Variants in DLG2 observed in about 807,000 individuals in gnomAD.
DLG2 encodes disks large homolog 2.
Under a neutral mutation model 132.5 loss-of-function variants are expected in DLG2, and 45 were observed. That is an observed-to-expected ratio of 0.34 (90% CI 0.27 to 0.44). The LOEUF (loss-of-function observed/expected upper bound fraction) is 0.44, where lower values mean the gene tolerates loss of function less well. Ranked by LOEUF, DLG2 falls within the 20% of genes least tolerant of loss-of-function variation. The pLI is 1.00. For synonymous variants in DLG2, 424 were observed against 419.6 expected (o/e 1.01, Z -0.13); for missense variants, 1,045 against 1,196.9 (o/e 0.87, Z 1.87).
chr11:83,720,607 A>G lies in DLG2; in HGVS notation c.1825+66083T>C, dbSNP rs987722120. ...CCTGAACCCATATCTGACAAAGCCA[A>G]TGCTGGTAACCACCACACTGTAAAT... On this transcript the variant is annotated intron_variant, in intron 18 of 27. Coordinates refer to ENST00000376104, the MANE Select transcript of DLG2 (RefSeq NM_001142699.3). 3.9e-5 allele frequency among the ~76,000 whole-genome samples: 6 copies of G among 152,274 alleles called. No homozygotes were observed. In the East Asian group the frequency reaches 5.8e-4, roughly 15 times the overall value.
intron 7 of DLG2, among the ~76,000 whole-genome samples, chr11:84,305,304 G>T (rs1410474272): frequency 6.6e-6 from 1 of 151,800 alleles, no homozygotes; most frequent in Non-Finnish European, 1.5e-5. Flanking sequence ...GGATTTAAAT[G>T]GAATAAAAAG....
intron 3 of DLG2, among the ~76,000 whole-genome samples, chr11:85,537,098 G>A (rs1342671127): frequency 1.3e-5 from 2 of 152,174 alleles, no homozygotes; most frequent in Non-Finnish European, 1.5e-5. Context: ...GAACGTTTGC[G>A]TCTAGCTAAG....
At chr11:84,105,818 A>G (rs1057051401) in intron 9 of DLG2, among the ~76,000 whole-genome samples, 1 of 152,102 alleles carries the variant, frequency 6.6e-6, no homozygotes, top group Non-Finnish European at 1.5e-5. Context: ...GCTTCCCTTA[A>G]CCCAGGAACA....
intron 7 of DLG2, among the ~76,000 whole-genome samples, chr11:84,349,212 T>C (rs2098551943): frequency 6.6e-6 from 1 of 152,298 alleles, no homozygotes; most frequent in Middle Eastern, 3.4e-3. Flanking sequence ...ATGATTTTCA[T>C]CTTATTAGTA....
intron 19 of DLG2, among the ~76,000 whole-genome samples, chr11:83,542,629 C>T (rs2096112275): frequency 6.6e-6 from 1 of 152,126 alleles, no homozygotes; most frequent in Non-Finnish European, 1.5e-5. Context: ...ATTTGCTAAG[C>T]ATTTGTTAAG....
In DLG2 at chr11:83,541,857, C is replaced by A; in HGVS notation, c.1942G>T (p.Ala648Ser). Residue 648 changes from alanine (A) to serine (S), a missense_variant and splice_region_variant, in exon 20 of 28, where the codon GCC (alanine) becomes TCC (serine). By Grantham distance (99) the Ala-to-Ser change is moderately conservative. Transcript: ENST00000376104. ...TNQKRSLYVR[A>S]MFDYDKSKDS... ...TTGCTCTTGTCGTAGTCGAACATGG[C>A]TCTGGAGGAAAGGACAAAAGAGGAC... The A allele has an allele frequency of 1.2e-6, 2 of 1,600,658 alleles. No homozygotes were observed. Among genetic ancestry groups the A allele is most frequent in the East Asian group, 2.3e-5 (1 of 44,200 alleles).
In DLG2 at chr11:83,838,287, A is replaced by G. The variant is rs957034677; in HGVS notation, c.1566-4517T>C. On this transcript the variant is annotated intron_variant, in intron 16 of 27. Coordinates refer to ENST00000376104, the MANE Select transcript of DLG2 (RefSeq NM_001142699.3). ...TAATAGTGGAATCTAGGTGACAAGT[A>G]CACGGATGTTCATTGTAACATTTTT... Among the ~76,000 whole-genome samples the G allele has an allele frequency of 1.4e-3, 211 of 152,212 alleles. 1 individual carries two copies. Among genetic ancestry groups the G allele is most frequent in the Non-Finnish European group, 4.3e-4 (29 of 68,046 alleles).
chr11:85,048,416 T>C (rs955603181), intron 6 of DLG2, among the ~76,000 whole-genome samples: 1 of 151,960 alleles, frequency 6.6e-6, no homozygotes, highest in Non-Finnish European at 1.5e-5. Flanking sequence ...CGTGGTACTC[T>C]ACAGCCATGA....
chr11:84,480,734 G>T (rs573464732), intron 7 of DLG2, among the ~76,000 whole-genome samples: 2 of 145,376 alleles, frequency 1.4e-5, no homozygotes, highest in South Asian at 4.5e-4. Context: ...TGCTTGTTTG[G>T]TTTTTGTTTC....
intron 3 of DLG2, among the ~76,000 whole-genome samples, chr11:85,440,444 T>C (rs1476424865): frequency 3.3e-5 from 5 of 152,214 alleles, no homozygotes; most frequent in Admixed American, 6.5e-5. Context: ...ATTTTTCTCA[T>C]TTCTCCCAGG....
At position 84,701,597 on chromosome 11, in the gene DLG2, G is replaced by T. The variant is rs148867826; in HGVS notation, c.358-166866C>A. ...AAATGTTACAATTGAAAGGGAATTT[G>T]GAAGTGTTTGAGCTCCCCCAACCCA... On this transcript the variant is annotated intron_variant, in intron 6 of 27. Transcript: ENST00000376104. Among the ~76,000 whole-genome samples, 340 of 151,616 alleles carry T rather than the reference G, an allele frequency of 2.2e-3. 3 individuals are homozygous for T. The highest frequency in any genetic ancestry group is 8.0e-3 in the African/African-American group (330 of 41,434).
At chr11:84,397,309 TACTG>T (rs1442933249) in intron 7 of DLG2, among the ~76,000 whole-genome samples, 2 of 152,230 alleles carry the variant, frequency 1.3e-5, no homozygotes, top group African/African-American at 4.8e-5. Flanking sequence ...ATGGGAATTA[TACTG>T]ACTAATACAA....
rs940765943 is a variant in DLG2 at position 84,201,895 on chromosome 11, T to C, written c.574-38384A>G. On this transcript the variant is annotated intron_variant, in intron 8 of 27. Coordinates refer to ENST00000376104, the MANE Select transcript of DLG2 (RefSeq NM_001142699.3). ...GTGTTATGGTGGGGTTTCGGCTCAC[T>C]GCAACCTCCACCTCCCGGGTTCAAG... 2.4e-5 allele frequency among the ~76,000 whole-genome samples: 3 copies of C among 127,492 alleles called. No individual in the cohort carries two copies. In the East Asian group the frequency reaches 7.5e-4, roughly 32 times the overall value. 83.6% of individuals were successfully genotyped at this position (127,492 alleles called of 152,430 possible). A position where few individuals can be genotyped will look rare whatever the true frequency, so the allele number is the denominator to read the frequency against.
chr11:83,751,509 G>T (rs2093309427), intron 18 of DLG2, among the ~76,000 whole-genome samples: 1 of 152,316 alleles, frequency 6.6e-6, no homozygotes, highest in East Asian at 1.9e-4. Context: ...TTAGGAGTCA[G>T]TTGCATTAAC....
At chr11:85,313,431 T>C (rs2080442060) in intron 3 of DLG2, among the ~76,000 whole-genome samples, 2 of 152,058 alleles carry the variant, frequency 1.3e-5, no homozygotes, top group Non-Finnish European at 2.9e-5. Context: ...TAGTAGCTAA[T>C]GTTAACAAAT....
chr11:84,725,315 G>C (rs1218223327), intron 6 of DLG2, among the ~76,000 whole-genome samples: 1 of 152,118 alleles, frequency 6.6e-6, no homozygotes, highest in East Asian at 1.9e-4. Context: ...ATAGTTTTTA[G>C]ATAACACATG....
intron 14 of DLG2, among the ~76,000 whole-genome samples, chr11:83,937,197 G>A (rs991374587): frequency 2.0e-5 from 3 of 152,094 alleles, no homozygotes; most frequent in African/African-American, 4.8e-5. Flanking sequence ...TAAAAGATGA[G>A]AGATTTGACT....
chr11:85,382,981 A>G (rs1329645044), intron 3 of DLG2, among the ~76,000 whole-genome samples: 2 of 152,160 alleles, frequency 1.3e-5, no homozygotes, highest in Non-Finnish European at 2.9e-5. Flanking sequence ...GCTCCTCAGT[A>G]TAGACCCAAG....
At chr11:84,395,987 G>C (rs1442412363) in intron 7 of DLG2, among the ~76,000 whole-genome samples, 1 of 152,094 alleles carries the variant, frequency 6.6e-6, no homozygotes, top group Non-Finnish European at 1.5e-5. Flanking sequence ...CCCCTATTAT[G>C]TTTATAGAAA....
Sources: gnomAD v4.1 joint callset for allele counts (sites outside exome capture counted in the v4.1 genomes callset) on GRCh38, gnomAD v4.1.1 for gene constraint, MANE v1.5 for transcripts, NCBI Gene and HGNC (gene_info 2026-07-23, HGNC 2026-07-21) for gene names.